The following ASTN2 variants were observed in gnomAD, a reference collection of about 807,000 sequenced individuals.
ASTN2 encodes the protein astrotactin-2.
In ASTN2, 54 loss-of-function variants were observed where a neutral mutation model predicts 139.8. That is an observed-to-expected ratio of 0.39 (90% CI 0.31 to 0.48). The LOEUF (loss-of-function observed/expected upper bound fraction) is 0.48, where lower values mean the gene tolerates loss of function less well. Among genes scored for constraint, ASTN2 ranks in the 20% least tolerant of loss-of-function variants. The probability of loss-of-function intolerance (pLI) is 0.95; values close to 1 mark genes in which losing one functional copy is unlikely to be tolerated. For missense variants in ASTN2, 1,565 were observed against 1,725.1 expected (o/e 0.91, Z 1.64); for synonymous variants, 756 against 719.5 (o/e 1.05, Z -0.81).
intron 2 of ASTN2, among the ~76,000 whole-genome samples, chr9:117,255,711 T>C (rs892226730): frequency 5.3e-5 from 8 of 152,094 alleles, no homozygotes; most frequent in Non-Finnish European, 8.8e-5. Context: ...GGAGGAGACA[T>C]ATTTGGCTGG....
In ASTN2 at chr9:116,424,497, C is replaced by T. The variant is rs1012355644; in HGVS notation, c.*1354G>A. ...CTTTTAACACTTCCTATTTTGATCC[C>T]TACTCTTAAGGAAAGTTTTCAGTCC... is the stretch of plus-strand genomic sequence containing the variant. On this transcript the variant is annotated 3_prime_UTR_variant, in exon 23 of 23. Coordinates refer to ENST00000313400, the MANE Select transcript of ASTN2 (RefSeq NM_001365068.1). Among the ~76,000 whole-genome samples, 6 of 152,178 alleles carry T rather than the reference C, an allele frequency of 3.9e-5. No homozygotes were observed. Among genetic ancestry groups the T allele is most frequent in the South Asian group, 2.1e-4 (1 of 4,824 alleles).
chr9:116,541,772 C>T (rs1851886252), intron 19 of ASTN2, among the ~76,000 whole-genome samples: 1 of 152,196 alleles, frequency 6.6e-6, no homozygotes, highest in South Asian at 2.1e-4. Flanking sequence ...AAGATTTCCC[C>T]TTCAGCTCTC....
intron 2 of ASTN2, among the ~76,000 whole-genome samples, chr9:117,279,589 C>T (rs970010404): frequency 5.9e-5 from 9 of 152,126 alleles, no homozygotes; most frequent in East Asian, 3.8e-4. Context: ...CAGTTCTGTC[C>T]CAAAGTCAAC....
rs142861727 is a variant in ASTN2 at position 116,757,202 on chromosome 9, C to T, written c.2397-23679G>A. ...TGTGTTGGAGAATGTGGCAACACAC[C>T]TAATAGTCCTCCCTCCCTGCAGGAA... On this transcript the variant is annotated intron_variant, in intron 13 of 22. Coordinates refer to ENST00000313400, the MANE Select transcript of ASTN2 (RefSeq NM_001365068.1). Among the ~76,000 whole-genome samples, 399 of 152,296 alleles carry T rather than the reference C, an allele frequency of 2.6e-3. 4 individuals are homozygous for T. Among genetic ancestry groups the T allele is most frequent in the African/African-American group, 9.2e-3 (381 of 41,568 alleles).
intron 20 of ASTN2, among the ~76,000 whole-genome samples, chr9:116,459,494 T>C (rs1229244207): frequency 6.6e-6 from 1 of 152,010 alleles, no homozygotes; most frequent in Non-Finnish European, 1.5e-5. Context: ...TTAGATAAAA[T>C]GTTTACAGAT....
At chr9:117,316,950 G>C (rs550938758) in intron 1 of ASTN2, among the ~76,000 whole-genome samples, 22 of 152,144 alleles carry the variant, frequency 1.4e-4, no homozygotes, top group Non-Finnish European at 2.6e-4. Context: ...CTGGGCCTCA[G>C]GTATATAAAT....
At chr9:117,072,851 A>G (rs766863484) in intron 5 of ASTN2, among the ~76,000 whole-genome samples, 22 of 152,344 alleles carry the variant, frequency 1.4e-4, no homozygotes, top group Non-Finnish European at 2.5e-4. Flanking sequence ...GCTCTGTAGC[A>G]TACAAAGGGT....
intron 1 of ASTN2, among the ~76,000 whole-genome samples, chr9:117,307,470 C>T (rs1835031168): frequency 1.3e-5 from 2 of 152,214 alleles, no homozygotes; most frequent in South Asian, 2.1e-4. Context: ...CTTGCATCCT[C>T]ATGTAGATAT....
intron 2 of ASTN2, among the ~76,000 whole-genome samples, chr9:117,274,980 G>A (rs1179797023): frequency 6.6e-6 from 1 of 152,278 alleles, no homozygotes; most frequent in East Asian, 1.9e-4. Flanking sequence ...CTAGGTTTTG[G>A]GTGGTTGTGT....
At chr9:117,278,184 T>A (rs1834239919) in intron 2 of ASTN2, among the ~76,000 whole-genome samples, 1 of 152,152 alleles carries the variant, frequency 6.6e-6, no homozygotes, top group Non-Finnish European at 1.5e-5. Flanking sequence ...ATGGAAGAAT[T>A]ATTGCTTCTG....
rs370072626 is a variant in ASTN2 at position 116,890,468 on chromosome 9, T to A, written c.1890-26735A>T. Among the ~76,000 whole-genome samples, 30 of 152,332 alleles carry A rather than the reference T, an allele frequency of 2.0e-4. 1 individual carries two copies. The highest frequency in any genetic ancestry group is 6.7e-4 in the African/African-American group (28 of 41,562). On this transcript the variant is annotated intron_variant, in intron 10 of 22. Coordinates refer to ENST00000313400, the MANE Select transcript of ASTN2 (RefSeq NM_001365068.1). ...ACCCATTTCCCCACCATTGTAGATA[T>A]CTCAGGTCCATGCACAAAACCCAAG...
intron 19 of ASTN2, among the ~76,000 whole-genome samples, chr9:116,605,076 G>A (rs901436392): frequency 6.6e-6 from 1 of 151,774 alleles, no homozygotes; most frequent in African/African-American, 2.4e-5. Context: ...ACCAAGGGAA[G>A]CCGACACACA....
At chr9:117,216,871 T>C (rs1736690201) in intron 2 of ASTN2, among the ~76,000 whole-genome samples, 1 of 152,198 alleles carries the variant, frequency 6.6e-6, no homozygotes, top group African/African-American at 2.4e-5. Context: ...CCTTAACACC[T>C]TTACTGAATG....
intron 3 of ASTN2, 66 bp from the exon 4 acceptor site, chr9:117,141,544 C>A: frequency 7.7e-7 from 1 of 1,302,786 alleles, no homozygotes; most frequent in Non-Finnish European, 1.0e-6. Context: ...AGCACTGGGG[C>A]TGAAGTTAGG....
At chr9:116,740,038 A>G (rs1447516584) in intron 13 of ASTN2, among the ~76,000 whole-genome samples, 1 of 152,168 alleles carries the variant, frequency 6.6e-6, no homozygotes, top group Non-Finnish European at 1.5e-5. Flanking sequence ...GCTCCCATGG[A>G]GCTTGGACAG....
At chr9:117,081,803 C>T (rs947735966) in intron 5 of ASTN2, among the ~76,000 whole-genome samples, 1 of 152,182 alleles carries the variant, frequency 6.6e-6, no homozygotes, top group African/African-American at 2.4e-5. Context: ...CCTCTAAAAT[C>T]TGAGAACGGT....
intron 19 of ASTN2, among the ~76,000 whole-genome samples, chr9:116,564,641 C>A (rs1853091660): frequency 6.6e-6 from 1 of 152,202 alleles, no homozygotes; most frequent in African/African-American, 2.4e-5. Flanking sequence ...TCCTTCACTT[C>A]TTGGCTGATA....
chr9:117,060,162 T>C (rs1839198787), intron 5 of ASTN2, among the ~76,000 whole-genome samples: 1 of 150,820 alleles, frequency 6.6e-6, no homozygotes, highest in South Asian at 2.1e-4. Flanking sequence ...AATACAAAAA[T>C]TAGCCAGGCA....
chr9:116,798,250 G>A (rs921617774), intron 13 of ASTN2, among the ~76,000 whole-genome samples: 9 of 152,236 alleles, frequency 5.9e-5, no homozygotes, highest in Admixed American at 5.9e-4. Context: ...CAGCCTGGGC[G>A]ACAGAGCAAG....
Sources: gnomAD v4.1 joint callset for allele counts (sites outside exome capture counted in the v4.1 genomes callset) on GRCh38, gnomAD v4.1.1 for gene constraint, MANE v1.5 for transcripts, NCBI Gene and HGNC (gene_info 2026-07-23, HGNC 2026-07-21) for gene names.